The following MTM1 variants were observed in gnomAD, a reference collection of about 807,000 sequenced individuals.
The protein encoded by MTM1 is myotubularin.
A neutral mutation model predicts 52.1 loss-of-function variants in MTM1; 9 were observed. The observed-to-expected ratio is 0.17, with a 90% CI of 0.10 to 0.30. MTM1 has a LOEUF of 0.30. Ranked by LOEUF, MTM1 falls within the 10% of genes least tolerant of loss-of-function variation. The pLI is 1.00. For missense variants in MTM1, 277 were observed against 470.7 expected (o/e 0.59, Z 3.81); for synonymous variants, 136 against 163.8 (o/e 0.83, Z 1.29).
rs2148497680 is a variant in MTM1, at chrX:150,649,702, ATGT to A, written c.868-9_868-7del. The stretch of plus-strand genomic sequence containing the variant: ...AAACTCAACTGATTGTTTGTATTTC[ATGT>A]TGTTTCTTAGGCAACAGGAGGAGGA... On this transcript the variant is annotated splice_polypyrimidine_tract_variant and intron_variant, in intron 9 of 14. Coordinates refer to ENST00000370396, the MANE Select transcript of MTM1 (RefSeq NM_000252.3). 2 of 1,193,649 alleles carry A rather than the reference ATGT, an allele frequency of 1.7e-6. No homozygotes were observed. Among genetic ancestry groups the A allele is most frequent in the Non-Finnish European group, 2.3e-6 (2 of 879,462 alleles).
At chrX:150,657,479 T>TGGGGGGA (rs1368925579) in intron 10 of MTM1, among the ~76,000 whole-genome samples, 1 of 61,469 alleles carries the variant, frequency 1.6e-5, no homozygotes, top group African/African-American at 6.2e-5. Flanking sequence ...TGTTGTGGGG[T>TGGGGGGA]GGGGGGAGGG....
chrX:150,597,245 C>T (rs2038992623), intron 3 of MTM1, among the ~76,000 whole-genome samples: 1 of 111,691 alleles, frequency 9.0e-6, no homozygotes, highest in Non-Finnish European at 1.9e-5. Context: ...TCCAGGGAAC[C>T]TTTTGATTAA....
chrX:150,582,081 A>G (rs1434919287), intron 1 of MTM1, among the ~76,000 whole-genome samples: 1 of 111,384 alleles, frequency 9.0e-6, no homozygotes, highest in Admixed American at 9.6e-5. Context: ...CATCTTCCCA[A>G]CTCAGTTTTT....
chrX:150,664,779 G>A (rs2040278075), intron 14 of MTM1, among the ~76,000 whole-genome samples: 1 of 112,383 alleles, frequency 8.9e-6, no homozygotes, highest in African/African-American at 3.2e-5. Flanking sequence ...TTATAGATGA[G>A]CACTGTGTTT....
At chrX:150,629,869 C>T (rs2039635528) in intron 6 of MTM1, among the ~76,000 whole-genome samples, 1 of 110,973 alleles carries the variant, frequency 9.0e-6, no homozygotes, top group African/African-American at 3.3e-5. Context: ...ATAGTTTAGG[C>T]CTATACACTT....
intron 1 of MTM1, among the ~76,000 whole-genome samples, chrX:150,584,071 C>CAT (rs782578337): frequency 8.3e-5 from 8 of 96,770 alleles, no homozygotes; most frequent in African/African-American, 2.6e-4. Context: ...TATATATTTT[C>CAT]ATATATATAT....
At chrX:150,650,020 A>G in intron 10 of MTM1, 119 bp downstream of exon 10, 1 of 596,884 alleles carries the variant, frequency 1.7e-6, no homozygotes, top group South Asian at 3.3e-5. Context: ...TTTGTAGTAG[A>G]GGACCACATT....
intron 4 of MTM1, among the ~76,000 whole-genome samples, chrX:150,613,790 G>A (rs976335246): frequency 8.9e-6 from 1 of 111,986 alleles, no homozygotes; most frequent in Non-Finnish European, 1.9e-5. Flanking sequence ...ATCTCCTGGT[G>A]ATGATTGTGC....
chrX:150,590,006 C>T (rs1459474217), intron 1 of MTM1, among the ~76,000 whole-genome samples: 1 of 111,572 alleles, frequency 9.0e-6, no homozygotes, highest in African/African-American at 3.3e-5. Context: ...TCATTTGTTT[C>T]ACCTAATAAT....
chrX:150,577,261 C>G (rs781842286), intron 1 of MTM1, among the ~76,000 whole-genome samples: 15 of 112,304 alleles, frequency 1.3e-4, no homozygotes, highest in South Asian at 3.7e-4. Flanking sequence ...AAAAAAGCTG[C>G]CATGAACATT....
chrX:150,628,649 T>G (rs1342082183), intron 6 of MTM1, among the ~76,000 whole-genome samples: 1 of 111,626 alleles, frequency 9.0e-6, no homozygotes, highest in Non-Finnish European at 1.9e-5. Context: ...CCAGTTACTC[T>G]TAATGATATC....
intron 3 of MTM1, 82 bp downstream of exon 3, chrX:150,596,652 T>C (rs1219728298): frequency 1.8e-5 from 14 of 779,257 alleles, no homozygotes; most frequent in Non-Finnish European, 2.4e-5. Flanking sequence ...GCTTACTCTT[T>C]AGCAGTCAGG....
intron 14 of MTM1, among the ~76,000 whole-genome samples, chrX:150,669,031 A>C: frequency 9.5e-6 from 1 of 105,707 alleles, no homozygotes; most frequent in Non-Finnish European, 2.0e-5. Flanking sequence ...CCCTCCCCTC[A>C]CCCCCCACTC....
At chrX:150,649,234 A>C (rs924501037) in intron 9 of MTM1, among the ~76,000 whole-genome samples, 17 of 112,614 alleles carry the variant, frequency 1.5e-4, no homozygotes, top group African/African-American at 5.5e-4. Flanking sequence ...AAGCTGAGCT[A>C]TCTCAGCCTG....
chrX:150,650,919 C>T, intron 10 of MTM1, among the ~76,000 whole-genome samples: 1 of 111,698 alleles, frequency 9.0e-6, no homozygotes, highest in South Asian at 3.8e-4. Context: ...AATCCTTACT[C>T]TTCCTAATTC....
Position 150,659,704 on chromosome X carries a change from G to A in MTM1, c.1301G>A (p.Arg434His), listed in dbSNP as rs1557414601. Residue 434 changes from arginine to histidine, a missense_variant, in exon 12 of 15, where the codon CGT becomes CAT. Physicochemically the swap from Arg to His is conservative, Grantham distance 29 (BLOSUM62 0). This residue lies in a region of MTM1 where 59 missense variants were observed against 107.8 expected (regional missense o/e 0.55). Transcript: ENST00000370396. ...HGDKNHTDAD[R>H]SPIFLQFIDC... ...GATAAAAACCACACCGATGCTGACC[G>A]TTCTCCTATTTTTCTCCAGTTTATT... is the stretch of plus-strand genomic sequence containing the variant. 5.8e-6 allele frequency: 7 copies of A among 1,210,953 alleles called. No individual in the cohort carries two copies. Among genetic ancestry groups the A allele is most frequent in the South Asian group, 3.5e-5 (2 of 56,966 alleles).
chrX:150,618,588 A>G (rs782674486), intron 5 of MTM1, among the ~76,000 whole-genome samples: 89 of 111,356 alleles, frequency 8.0e-4, no homozygotes, highest in Non-Finnish European at 1.3e-3. Context: ...CAGGAGGTGG[A>G]GGTTGCAGTG....
In MTM1 at chrX:150,641,311, T is replaced by G. The variant is rs1557413848; in HGVS notation, c.571T>G (p.Cys191Gly). ...HHWRITFINKCYELCDTYPAL... is the reference protein window; with the variant it reads ...HHWRITFINKGYELCDTYPAL... Reference sequence around the variant, plus strand: ...TTGGAGAATAACTTTTATTAATAAGTGCTATGAGCTCTGTGACACTTACCC... The same window carrying G: ...TTGGAGAATAACTTTTATTAATAAGGGCTATGAGCTCTGTGACACTTACCC... Residue 191 changes from cysteine (C) to glycine (G), a missense_variant, in exon 8 of 15, where the codon TGC (cysteine) becomes GGC (glycine). Coordinates refer to ENST00000370396, the MANE Select transcript of MTM1 (RefSeq NM_000252.3). 1 of 1,209,425 alleles carries G rather than the reference T, an allele frequency of 8.3e-7. No homozygotes were observed. Among genetic ancestry groups the G allele is most frequent in the East Asian group, 3.0e-5 (1 of 33,739 alleles).
At position 150,638,880 on chromosome X, in the gene MTM1, G is replaced by T. The variant is rs1329848551; in HGVS notation, c.445-63G>T. 8.3e-6 allele frequency: 7 copies of T among 843,578 alleles called. No individual in the cohort carries two copies. The East Asian group carries it at 1.9e-4, about 23-fold the overall frequency. The allele number at this position is 843,578 out of a possible 1,213,427, so 69.5% of individuals were successfully genotyped here. A position where few individuals can be genotyped will look rare whatever the true frequency, so the allele number is the denominator to read the frequency against. ...AAATTTATTTTGCGAGAAATCAAAAGATGTACTATAATAGTAGACTGTTCC... is the reference window on the plus strand; with the variant it reads ...AAATTTATTTTGCGAGAAATCAAAATATGTACTATAATAGTAGACTGTTCC... On this transcript the variant is annotated intron_variant, in intron 6 of 14. Transcript: ENST00000370396.
Sources: gnomAD v4.1 joint callset for allele counts (sites outside exome capture counted in the v4.1 genomes callset) on GRCh38, gnomAD v4.1.1 for gene constraint, gnomAD v4.1.1 regional missense constraint, MANE v1.5 for transcripts, NCBI Gene and HGNC (gene_info 2026-07-23, HGNC 2026-07-21) for gene names.